The following SRPK2 variants were observed in gnomAD, a reference collection of about 807,000 sequenced individuals.
SRPK2 encodes SFRS protein kinase 2.
In SRPK2, 21 loss-of-function variants were observed where a neutral mutation model predicts 90.8. The observed-to-expected ratio is 0.23, with a 90% CI of 0.16 to 0.33. The LOEUF (loss-of-function observed/expected upper bound fraction) is 0.33, where lower values mean the gene tolerates loss of function less well. Among genes scored for constraint, SRPK2 ranks in the 10% least tolerant of loss-of-function variants. The pLI is 1.00. For synonymous variants in SRPK2, 288 were observed against 311.1 expected, an observed-to-expected ratio of 0.93 and a Z score of 0.78; for missense variants, 620 against 869.0, an observed-to-expected ratio of 0.71 and a Z score of 3.60.
At chr7:105,133,354 T>A (rs1317895677) in intron 11 of SRPK2, among the ~76,000 whole-genome samples, 1 of 152,218 alleles carries the variant, frequency 6.6e-6, no homozygotes, top group Non-Finnish European at 1.5e-5. Flanking sequence ...TCTCTTTTTA[T>A]CCCCAGTTTC....
intron 2 of SRPK2, among the ~76,000 whole-genome samples, chr7:105,343,831 T>G (rs1341575175): frequency 1.3e-5 from 2 of 152,140 alleles, no homozygotes; most frequent in Non-Finnish European, 2.9e-5. Flanking sequence ...GGTGCCATCT[T>G]GGCTCACTGA....
chr7:105,169,299 A>G (rs1187703703), intron 3 of SRPK2, 34 bp from the exon 4 acceptor site: 1 of 1,525,220 alleles, frequency 6.6e-7, no homozygotes, highest in Admixed American at 1.7e-5. Context: ...AAAAATTCAA[A>G]ATATTCGAAA....
chr7:105,214,723 T>C (rs1797243061), intron 2 of SRPK2, among the ~76,000 whole-genome samples: 1 of 152,078 alleles, frequency 6.6e-6, no homozygotes, highest in African/African-American at 2.4e-5. Flanking sequence ...ACAGAAGACA[T>C]CCCATATTCA....
intron 2 of SRPK2, among the ~76,000 whole-genome samples, chr7:105,386,607 C>T (rs552483268): frequency 6.6e-6 from 1 of 152,130 alleles, no homozygotes; most frequent in East Asian, 1.9e-4. Flanking sequence ...ATCCCAGCTA[C>T]TCAGGAGGCT....
chr7:105,121,951 G>A (rs1800441701), intron 15 of SRPK2, among the ~76,000 whole-genome samples: 1 of 152,140 alleles, frequency 6.6e-6, no homozygotes, highest in Non-Finnish European at 1.5e-5. Flanking sequence ...CATGAACACT[G>A]GTAATTACAA....
chr7:105,171,028 A>AGGAC (rs1791059487), intron 3 of SRPK2, among the ~76,000 whole-genome samples: 1 of 144,622 alleles, frequency 6.9e-6, no homozygotes, highest in Non-Finnish European at 1.5e-5. Flanking sequence ...GAAGGAAGGA[A>AGGAC]GGAAGGAAGG....
chr7:105,380,980 CA>C (rs1249469975), intron 2 of SRPK2, among the ~76,000 whole-genome samples: 6 of 142,626 alleles, frequency 4.2e-5, no homozygotes, highest in South Asian at 2.2e-4. Context: ...AAAGCTGGGC[CA>C]GGGGCAGTAG....
At position 105,323,966 on chromosome 7, in the gene SRPK2, T is replaced by TC. The variant is rs1563238212; in HGVS notation, c.71+64681_71+64682insG. ...TAAAAAGACTTTGGTCAGACTATTC[T>TC]TTGTGTGTGTGTGTGTGTGTGTGTG... On this transcript the variant is annotated intron_variant, in intron 2 of 15. Transcript: ENST00000393651. Among the ~76,000 whole-genome samples the TC allele has an allele frequency of 7.6e-4, 94 of 123,672 alleles. 2 individuals carry two copies. The highest frequency in any genetic ancestry group is 2.9e-3 in the African/African-American group (89 of 30,942). 81.1% of individuals were successfully genotyped at this position (123,672 alleles called of 152,430 possible). A position where few individuals can be genotyped will look rare whatever the true frequency, so the allele number is the denominator to read the frequency against.
At chr7:105,279,741 T>C (rs968136447) in intron 2 of SRPK2, among the ~76,000 whole-genome samples, 1 of 152,242 alleles carries the variant, frequency 6.6e-6, no homozygotes, top group African/African-American at 2.4e-5. Flanking sequence ...CTGAAAACTA[T>C]CTAAAGGTTT....
intron 2 of SRPK2, among the ~76,000 whole-genome samples, chr7:105,353,655 G>A (rs1040669594): frequency 6.6e-6 from 1 of 152,052 alleles, no homozygotes; most frequent in African/African-American, 2.4e-5. Flanking sequence ...CTGCCTTCAA[G>A]CAAATTCATC....
At chr7:105,341,357 C>CAAAAAAAAAA (rs746893526) in intron 2 of SRPK2, among the ~76,000 whole-genome samples, 2 of 66,754 alleles carry the variant, frequency 3.0e-5, no homozygotes, top group African/African-American at 1.3e-4. Flanking sequence ...GACTCCGTCT[C>CAAAAAAAAAA]AAAAAAAAAA....
chr7:105,334,870 TAAAG>T (rs1348453493), intron 2 of SRPK2, among the ~76,000 whole-genome samples: 65 of 149,896 alleles, frequency 4.3e-4, no homozygotes, highest in African/African-American at 1.5e-3. Context: ...TTAATTAACT[TAAAG>T]AACACTACTT....
At chr7:105,230,443 G>A (rs192531980) in intron 2 of SRPK2, among the ~76,000 whole-genome samples, 1 of 152,330 alleles carries the variant, frequency 6.6e-6, no homozygotes, top group African/African-American at 2.4e-5. Flanking sequence ...CAAGTAAGCA[G>A]TAGATAGAGA....
chr7:105,156,339 A>G (rs1408647673), intron 7 of SRPK2, among the ~76,000 whole-genome samples: 2 of 152,366 alleles, frequency 1.3e-5, no homozygotes, highest in East Asian at 3.9e-4. Context: ...TCAGGAAAGT[A>G]ATAATACCCA....
At chr7:105,207,255 G>A (rs918878013) in intron 2 of SRPK2, among the ~76,000 whole-genome samples, 2 of 152,182 alleles carry the variant, frequency 1.3e-5, no homozygotes, top group African/African-American at 2.4e-5. Context: ...TCCTGCCTCA[G>A]CCTGGTGGGT....
chr7:105,148,949 A>T (rs566361666), intron 7 of SRPK2, among the ~76,000 whole-genome samples: 6 of 152,348 alleles, frequency 3.9e-5, no homozygotes, highest in Admixed American at 2.0e-4. Flanking sequence ...AACCAGGGGC[A>T]CAATGCACTG....
intron 2 of SRPK2, chr7:105,244,528 C>T: frequency 1.9e-6 from 1 of 518,022 alleles, no homozygotes; most frequent in South Asian, 2.0e-5. Flanking sequence ...GAGCTAAGAT[C>T]GTGCCACTGC....
intron 2 of SRPK2, among the ~76,000 whole-genome samples, chr7:105,258,895 T>C (rs1010110971): frequency 6.6e-6 from 1 of 152,124 alleles, no homozygotes; most frequent in East Asian, 1.9e-4. Flanking sequence ...CTCAAAGTAA[T>C]AGGAGTTATT....
chr7:105,397,326 ACTTT>A (rs1329560053), intron 1 of SRPK2, among the ~76,000 whole-genome samples: 5 of 131,816 alleles, frequency 3.8e-5, no homozygotes, highest in South Asian at 2.4e-4. Flanking sequence ...CCCTTGAGTG[ACTTT>A]CTTTTTTTTT....
Sources: gnomAD v4.1 joint callset for allele counts (sites outside exome capture counted in the v4.1 genomes callset) on GRCh38, gnomAD v4.1.1 for gene constraint, MANE v1.5 for transcripts, NCBI Gene and HGNC (gene_info 2026-07-23, HGNC 2026-07-21) for gene names.